Variants in SULF1 observed in about 807,000 individuals in gnomAD.
SULF1 encodes the protein sulfatase 1, also known as extracellular sulfatase Sulf-1.
A neutral mutation model predicts 110.5 loss-of-function variants in SULF1; 46 were observed. The observed-to-expected ratio is 0.42, with a 90% CI of 0.33 to 0.53. The LOEUF (loss-of-function observed/expected upper bound fraction) is 0.53, where lower values mean the gene tolerates loss of function less well. SULF1 is among the 20% of genes least tolerant of loss of function. The probability of loss-of-function intolerance (pLI) is 0.12; values close to 1 mark genes in which losing one functional copy is unlikely to be tolerated. For synonymous variants in SULF1, 371 were observed against 387.1 expected (o/e 0.96, Z 0.49); for missense variants, 941 against 1,094.2 (o/e 0.86, Z 1.98).
chr8:69,580,806 A>G (rs1806009076), intron 6 of SULF1, among the ~76,000 whole-genome samples: 2 of 152,198 alleles, frequency 1.3e-5, no homozygotes, highest in African/African-American at 4.8e-5. Flanking sequence ...TCAAAATCAT[A>G]GACCTTAGTT....
intron 11 of SULF1, 86 bp from the exon 12 acceptor site, chr8:69,603,514 G>GGT: frequency 1.5e-6 from 2 of 1,315,660 alleles, no homozygotes; most frequent in South Asian, 2.4e-5. Context: ...GGAAGTGAGA[G>GGT]GTGTTTCTTT....
chr8:69,572,858 C>G (rs150783812), intron 5 of SULF1, among the ~76,000 whole-genome samples: 1 of 152,166 alleles, frequency 6.6e-6, no homozygotes, highest in Admixed American at 6.5e-5. Flanking sequence ...GACAGAGTCT[C>G]GCTTTGTCCC....
At chr8:69,524,962 C>T (rs891581515) in intron 3 of SULF1, among the ~76,000 whole-genome samples, 1 of 152,154 alleles carries the variant, frequency 6.6e-6, no homozygotes, top group East Asian at 1.9e-4. Flanking sequence ...CTCTGAAGGG[C>T]AGTGGATAGC....
chr8:69,623,476 A>G lies in SULF1; in HGVS notation c.1595-466A>G, dbSNP rs117532192. Among the ~76,000 whole-genome samples, 48 of 152,368 alleles carry G rather than the reference A, an allele frequency of 3.2e-4. 1 individual carries two copies. In the East Asian group the frequency reaches 8.7e-3, roughly 28 times the overall value. The stretch of plus-strand genomic sequence containing the variant: ...AATAATACCTGTCTTTCAAGACTCC[A>G]GATTAGAGATAAATATGAAGTATAT... On this transcript the variant is annotated intron_variant, in intron 14 of 22. Transcript: ENST00000402687.
At chr8:69,597,899 T>C (rs1807467257) in intron 8 of SULF1, among the ~76,000 whole-genome samples, 1 of 152,178 alleles carries the variant, frequency 6.6e-6, no homozygotes, top group Non-Finnish European at 1.5e-5. Flanking sequence ...CAACCAACTT[T>C]CTATATTTCT....
intron 3 of SULF1, among the ~76,000 whole-genome samples, chr8:69,513,873 C>G (rs1004821527): frequency 6.6e-6 from 1 of 152,216 alleles, no homozygotes; most frequent in Non-Finnish European, 1.5e-5. Context: ...AACACACACT[C>G]TTAATAAGTT....
intron 22 of SULF1, chr8:69,642,539 A>G (rs1471569907): frequency 3.3e-6 from 1 of 304,192 alleles, no homozygotes. Context: ...TCCCCTGGGT[A>G]TGGGCTGAGG....
chr8:69,642,004 G>C (rs1811515150), intron 22 of SULF1, among the ~76,000 whole-genome samples: 1 of 151,928 alleles, frequency 6.6e-6, no homozygotes, highest in African/African-American at 2.4e-5. Context: ...GAAGCAGCTG[G>C]GCACTGTCCT....
chr8:69,568,534 G>A (rs1050926758), intron 5 of SULF1, among the ~76,000 whole-genome samples: 1 of 152,154 alleles, frequency 6.6e-6, no homozygotes, highest in African/African-American at 2.4e-5. Flanking sequence ...TCACATTATT[G>A]TGAATGAATA....
In SULF1 at chr8:69,621,067, G is replaced by A. The variant is rs2130547900; in HGVS notation, c.1410G>A (p.Lys470=). Residue 470 remains lysine (K), a synonymous_variant, in exon 14 of 23, where the codon AAG becomes AAA. Coordinates refer to ENST00000402687, the MANE Select transcript of SULF1 (RefSeq NM_001128205.2). ...AATGCATTGAGGATACATCTGGCAA[G>A]CTTCGAATTCACAAGTGTAAAGGAC... ...KWQCIEDTSG[K]LRIHKCKGPS... 2 of 1,612,668 alleles carry A rather than the reference G, an allele frequency of 1.2e-6. No homozygotes were observed. Among genetic ancestry groups the A allele is most frequent in the African/African-American group, 1.3e-5 (1 of 75,044 alleles).
intron 19 of SULF1, among the ~76,000 whole-genome samples, chr8:69,637,029 A>G (rs1390342173): frequency 6.6e-6 from 1 of 152,196 alleles, no homozygotes; most frequent in African/African-American, 2.4e-5. Context: ...CAATCTGATT[A>G]AGAAATGGTT....
intron 6 of SULF1, among the ~76,000 whole-genome samples, chr8:69,582,897 A>G (rs1050639584): frequency 6.6e-6 from 1 of 152,192 alleles, no homozygotes. Flanking sequence ...TTGTGGTTCT[A>G]TGTGAAAAGG....
chr8:69,555,518 G>A (rs1815053696), intron 3 of SULF1, among the ~76,000 whole-genome samples: 1 of 152,100 alleles, frequency 6.6e-6, no homozygotes, highest in African/African-American at 2.4e-5. Flanking sequence ...TTAGCCGGGT[G>A]TGGTGGTGCA....
intron 1 of SULF1, among the ~76,000 whole-genome samples, chr8:69,494,577 A>G (rs79112793): frequency 0.036 from 5,444 of 152,302 alleles, 301 homozygotes; most frequent in African/African-American, 0.12. Context: ...TTTAAAAGTG[A>G]TATTTCAACA....
At chr8:69,642,241 T>A (rs1376362262) in intron 22 of SULF1, 2 of 987,164 alleles carry the variant, frequency 2.0e-6, no homozygotes, top group East Asian at 2.3e-4. Flanking sequence ...CTGTTCCTGG[T>A]ACCCTGTTCG....
At chr8:69,619,048 G>T (rs1316631354) in intron 13 of SULF1, among the ~76,000 whole-genome samples, 2 of 152,128 alleles carry the variant, frequency 1.3e-5, no homozygotes, top group African/African-American at 4.8e-5. Flanking sequence ...ATGCATGGAA[G>T]AACATCTTTT....
At chr8:69,610,374 A>G (rs1808546348) in intron 13 of SULF1, among the ~76,000 whole-genome samples, 1 of 152,222 alleles carries the variant, frequency 6.6e-6, no homozygotes, top group South Asian at 2.1e-4. Flanking sequence ...GACATTTACC[A>G]TGGAGATCCT....
chr8:69,480,560 A>G (rs1278976341), intron 1 of SULF1, among the ~76,000 whole-genome samples: 1 of 152,202 alleles, frequency 6.6e-6, no homozygotes. Flanking sequence ...AATATTCTTC[A>G]TAGCTTAATA....
intron 3 of SULF1, among the ~76,000 whole-genome samples, chr8:69,528,091 A>C (rs973926371): frequency 6.6e-5 from 10 of 152,150 alleles, no homozygotes; most frequent in African/African-American, 2.4e-4. Flanking sequence ...ATCTTCCTCT[A>C]ATCCTTTTCA....
Sources: allele counts gnomAD v4.1 joint callset (sites outside exome capture counted in the v4.1 genomes callset), GRCh38; gene constraint gnomAD v4.1.1; transcripts MANE v1.5; gene names NCBI Gene and HGNC (gene_info 2026-07-23, HGNC 2026-07-21).